Variants in PGM5 observed in about 807,000 individuals in gnomAD.
PGM5 encodes the protein phosphoglucomutase 5, also known as phosphoglucomutase-like protein 5.
Under a neutral mutation model 59.2 loss-of-function variants are expected in PGM5, and 23 were observed. The ratio of observed to expected loss-of-function variants is 0.39; its 90% CI spans 0.28 to 0.55. The LOEUF (loss-of-function observed/expected upper bound fraction) is 0.55, where lower values mean the gene tolerates loss of function less well. Ranked by LOEUF, PGM5 falls within the 20% of genes least tolerant of loss-of-function variation. The pLI, the probability that PGM5 is intolerant of heterozygous loss-of-function variation, is 0.66. For synonymous variants in PGM5, 214 were observed against 286.0 expected (o/e 0.75, Z 2.54); for missense variants, 574 against 748.3 (o/e 0.77, Z 2.72).
At chr9:68,440,849 T>C (rs545959356) in intron 6 of PGM5, among the ~76,000 whole-genome samples, 3 of 151,990 alleles carry the variant, frequency 2.0e-5, no homozygotes, top group Non-Finnish European at 2.9e-5. Flanking sequence ...AGGAAAACAA[T>C]TTAAAACACC....
rs546072934 is a variant in PGM5, at chr9:68,481,556, G to A, written c.1295+2003G>A. Among the ~76,000 whole-genome samples, 12 of 152,318 alleles carry A rather than the reference G, an allele frequency of 7.9e-5. No homozygotes were observed. In the East Asian group the frequency reaches 2.3e-3, roughly 29 times the overall value. On this transcript the variant is annotated intron_variant, in intron 8 of 10. Transcript: ENST00000396396. Reference sequence around the variant, plus strand: ...ATTATGATTGACAACCTCTGGCCTAGTGAGATCGCTTTGAGTCAGAGATGT... The same window carrying A: ...ATTATGATTGACAACCTCTGGCCTAATGAGATCGCTTTGAGTCAGAGATGT...
At chr9:68,447,153 C>T (rs1823624489) in intron 6 of PGM5, among the ~76,000 whole-genome samples, 2 of 151,406 alleles carry the variant, frequency 1.3e-5, no homozygotes, top group Admixed American at 6.6e-5. Context: ...TTGCTGGTGC[C>T]AAGCCGGAGG....
At chr9:68,448,698 G>T (rs1419616454) in intron 6 of PGM5, among the ~76,000 whole-genome samples, 1 of 152,122 alleles carries the variant, frequency 6.6e-6, no homozygotes, top group East Asian at 1.9e-4. Context: ...CAATCAATAG[G>T]CACCCCTCAA....
At chr9:68,513,180 G>A (rs879972595) in intron 10 of PGM5, among the ~76,000 whole-genome samples, 5 of 152,284 alleles carry the variant, frequency 3.3e-5, no homozygotes, top group Admixed American at 6.5e-5. Context: ...GTGTATATTT[G>A]TATACATAGA....
chr9:68,457,934 A>G (rs1424209276), intron 6 of PGM5, among the ~76,000 whole-genome samples: 8 of 152,210 alleles, frequency 5.3e-5, no homozygotes, highest in African/African-American at 1.9e-4. Flanking sequence ...AGCCTGAAGG[A>G]TAGCTGACAA....
intron 6 of PGM5, among the ~76,000 whole-genome samples, chr9:68,450,229 CAAG>C (rs1180022701): frequency 5.9e-5 from 9 of 152,046 alleles, no homozygotes; most frequent in African/African-American, 2.2e-4. Context: ...TGCCTAAAAA[CAAG>C]AATCTCTAGA....
intron 9 of PGM5, among the ~76,000 whole-genome samples, chr9:68,487,592 T>G (rs2132096127): frequency 6.6e-6 from 1 of 152,178 alleles, no homozygotes; most frequent in South Asian, 2.1e-4. Context: ...TTAAAAGTAC[T>G]TTGCAGTAAA....
At chr9:68,391,243 A>C (rs575789327) in intron 4 of PGM5, among the ~76,000 whole-genome samples, 187 of 152,032 alleles carry the variant, frequency 1.2e-3, no homozygotes, top group African/African-American at 4.4e-3. Flanking sequence ...AATCATTATT[A>C]TGTAGCTGAT....
chr9:68,393,829 G>T (rs1235304552), intron 6 of PGM5: 5 of 152,096 alleles, frequency 3.3e-5, no homozygotes, highest in Admixed American at 2.0e-4. Flanking sequence ...ATAGTTGCAT[G>T]ATTCATAATG....
At chr9:68,467,980 A>AT (rs1426179085) in intron 7 of PGM5, among the ~76,000 whole-genome samples, 2 of 152,006 alleles carry the variant, frequency 1.3e-5, no homozygotes, top group Non-Finnish European at 2.9e-5. Flanking sequence ...TGAATAAAAT[A>AT]TTTTTTGTGT....
At chr9:68,424,607 G>T (rs1008323333) in intron 6 of PGM5, among the ~76,000 whole-genome samples, 21 of 152,130 alleles carry the variant, frequency 1.4e-4, no homozygotes, top group African/African-American at 4.8e-4. Flanking sequence ...AATGTTAATG[G>T]GTGTTCTTAA....
chr9:68,434,316 CAAAAAAAA>C (rs71353054), intron 6 of PGM5, among the ~76,000 whole-genome samples: 1 of 90,826 alleles, frequency 1.1e-5, no homozygotes, highest in Non-Finnish European at 2.1e-5. Flanking sequence ...GACTCCGTCT[CAAAAAAAA>C]AAAAAAAAAA....
intron 9 of PGM5, among the ~76,000 whole-genome samples, chr9:68,491,721 G>C (rs1254205101): frequency 6.6e-6 from 1 of 152,208 alleles, no homozygotes; most frequent in Admixed American, 6.5e-5. Context: ...AAAATGGGAA[G>C]CTGGGTGCAA....
intron 1 of PGM5, among the ~76,000 whole-genome samples, chr9:68,376,599 A>G (rs1821893248): frequency 6.6e-6 from 1 of 151,082 alleles, no homozygotes; most frequent in Non-Finnish European, 1.5e-5. Flanking sequence ...ACCTCTAGCA[A>G]TGATGGTGCC....
intron 6 of PGM5, among the ~76,000 whole-genome samples, chr9:68,456,970 C>G (rs76282961): frequency 6.6e-6 from 1 of 152,164 alleles, no homozygotes; most frequent in East Asian, 1.9e-4. Flanking sequence ...GACATGATAC[C>G]TGGCTGTTAT....
intron 6 of PGM5, among the ~76,000 whole-genome samples, chr9:68,419,485 G>C (rs1203001528): frequency 6.6e-6 from 1 of 152,168 alleles, no homozygotes; most frequent in Non-Finnish European, 1.5e-5. Context: ...ATTTGGCCAT[G>C]ATCAGAGTAG....
intron 8 of PGM5, among the ~76,000 whole-genome samples, chr9:68,483,448 C>T (rs1824233014): frequency 6.6e-6 from 1 of 152,004 alleles, no homozygotes; most frequent in Non-Finnish European, 1.5e-5. Context: ...AGCGCAAGGG[C>T]CCAGAGGCAG....
chr9:68,518,830 T>C lies in PGM5; in HGVS notation c.1615-10737T>C, dbSNP rs569314171. Among the ~76,000 whole-genome samples, 22 of 152,268 alleles carry C rather than the reference T, an allele frequency of 1.4e-4. 1 individual carries two copies. The South Asian group carries it at 3.9e-3, about 27-fold the overall frequency. ...AGTGAGAAGTGCTAACATAATTTAGTTGGAGTCTCAAAAGAGGAGACAGAA... is the reference window on the plus strand; with the variant it reads ...AGTGAGAAGTGCTAACATAATTTAGCTGGAGTCTCAAAAGAGGAGACAGAA... On this transcript the variant is annotated intron_variant, in intron 10 of 10. Coordinates refer to ENST00000396396, the MANE Select transcript of PGM5 (RefSeq NM_021965.4).
Position 68,437,557 on chromosome 9 carries a change from TTTCAAAG to T in PGM5, c.1044-27535_1044-27529del, listed in dbSNP as rs1554683429. ...GGCATCTCAAGGATAGGAATCAATT[TTTCAAAG>T]GGACACACACACTCACACACACACA... On this transcript the variant is annotated intron_variant, in intron 6 of 10. Coordinates refer to ENST00000396396, the MANE Select transcript of PGM5 (RefSeq NM_021965.4). The surrounding 1 kb of genome is among the most constrained non-coding windows in gnomAD (Gnocchi z 4.1). 6.6e-6 allele frequency among the ~76,000 whole-genome samples: 1 copy of T among 151,456 alleles called. No homozygotes were observed. The highest frequency in any genetic ancestry group is 1.5e-5 in the Non-Finnish European group (1 of 67,944).
Sources: gnomAD v4.1 joint callset for allele counts (sites outside exome capture counted in the v4.1 genomes callset) on GRCh38, gnomAD v4.1.1 for gene constraint, Gnocchi (gnomAD v3.1) non-coding constraint, MANE v1.5 for transcripts, NCBI Gene and HGNC (gene_info 2026-07-23, HGNC 2026-07-21) for gene names.